Variants in TRIM49C observed in about 807,000 individuals in gnomAD.
The protein encoded by TRIM49C is tripartite motif containing 49C.
Under a neutral mutation model 21.4 loss-of-function variants are expected in TRIM49C, and 6 were observed. The observed-to-expected ratio is 0.28, with a 90% CI of 0.15 to 0.55. TRIM49C has a LOEUF of 0.55. Ranked by LOEUF, TRIM49C falls within the 20% of genes least tolerant of loss-of-function variation. TRIM49C has a pLI of 0.94. For synonymous variants in TRIM49C, 57 were observed against 148.1 expected (o/e 0.38, Z 4.47); for missense variants, 161 against 442.4 (o/e 0.36, Z 5.71).
At chr11:90,049,046 G>T in the TRIM49C span, among the ~76,000 whole-genome samples, 1 of 127,080 alleles carries the variant, frequency 7.9e-6, no homozygotes, top group Admixed American at 8.8e-5. Flanking sequence ...GACGCTGTTT[G>T]CCTGGGTATC....
intron 4 of TRIM49C, among the ~76,000 whole-genome samples, chr11:90,036,968 T>G (rs1950732186): frequency 1.5e-5 from 2 of 134,660 alleles, no homozygotes; most frequent in South Asian, 5.1e-4. Context: ...AAATTCAAAT[T>G]GAAACAAAGT....
the TRIM49C span, among the ~76,000 whole-genome samples, chr11:90,064,265 A>T: frequency 2.0e-5 from 3 of 151,194 alleles, no homozygotes; most frequent in South Asian, 6.2e-4. Flanking sequence ...TTTTTAATTT[A>T]GGAAAGTTTT....
chr11:90,050,101 G>T, the TRIM49C span: 1 of 107,356 alleles, frequency 9.3e-6, no homozygotes, highest in Non-Finnish European at 1.8e-5. Flanking sequence ...GGTGACCGAG[G>T]CCTCTCAAAA....
chr11:90,070,459 T>G, the TRIM49C span, among the ~76,000 whole-genome samples: 1 of 134,088 alleles, frequency 7.5e-6, no homozygotes, highest in Non-Finnish European at 1.6e-5. Flanking sequence ...GAAGAACTCT[T>G]GTCTGCACGA....
At chr11:90,039,162 G>A (rs1197835703) in intron 6 of TRIM49C, among the ~76,000 whole-genome samples, 1 of 132,382 alleles carries the variant, frequency 7.6e-6, no homozygotes, top group East Asian at 2.4e-4. Flanking sequence ...CCCGTGATCC[G>A]CCCGCCTCGG....
chr11:90,053,130 A>G, the TRIM49C span, among the ~76,000 whole-genome samples: 1 of 138,922 alleles, frequency 7.2e-6, no homozygotes, highest in Non-Finnish European at 1.6e-5. Context: ...GCCTATTCAA[A>G]GAAAGACTCC....
chr11:90,060,439 T>C, the TRIM49C span, among the ~76,000 whole-genome samples: 1 of 152,386 alleles, frequency 6.6e-6, no homozygotes, highest in South Asian at 2.1e-4. Context: ...AACTAAACAA[T>C]GAAAAGCTTC....
At chr11:90,056,260 C>T in the TRIM49C span, among the ~76,000 whole-genome samples, 1 of 137,540 alleles carries the variant, frequency 7.3e-6, no homozygotes, top group Non-Finnish European at 1.6e-5. Flanking sequence ...GCGCCCAGCC[C>T]ATCTGGATTC....
chr11:90,067,708 C>T, the TRIM49C span, among the ~76,000 whole-genome samples: 10 of 138,980 alleles, frequency 7.2e-5, no homozygotes, highest in East Asian at 2.2e-4. Flanking sequence ...AGTTGATTAA[C>T]GCATATTTTA....
Position 90,036,132 on chromosome 11 carries a change from A to G in TRIM49C, c.507+149A>G. 1.2e-5 allele frequency: 13 copies of G among 1,068,538 alleles called. 1 individual carries two copies. Among genetic ancestry groups the G allele is most frequent in the Non-Finnish European group, 1.6e-5 (13 of 815,964 alleles). The allele number at this position is 1,068,538 out of a possible 1,614,324, so 66.2% of individuals were successfully genotyped here. The stretch of plus-strand genomic sequence containing the variant: ...GAAAACATTGAGAAAAAGTGGCCTC[A>G]TTTTTATACAGAATAGTATGCCTGT... On this transcript the variant is annotated intron_variant, in intron 4 of 7. Coordinates refer to ENST00000448984, the MANE Select transcript of TRIM49C (RefSeq NM_001195234.1).
In TRIM49C at chr11:90,038,921, T is replaced by C. The variant is rs571589948; in HGVS notation, c.761+206T>C. 1.0e-4 allele frequency among the ~76,000 whole-genome samples: 14 copies of C among 137,138 alleles called. 2 individuals are homozygous for C. The highest frequency in any genetic ancestry group is 6.7e-4 in the Admixed American group (8 of 11,902). The allele number at this position is 137,138 out of a possible 152,430, so 90.0% of individuals were successfully genotyped here. A position where few individuals can be genotyped will look rare whatever the true frequency, so the allele number is the denominator to read the frequency against. On this transcript the variant is annotated intron_variant, in intron 6 of 7. Coordinates refer to ENST00000448984, the MANE Select transcript of TRIM49C (RefSeq NM_001195234.1). ...GAACTAAAACAAACAATTTGATTCC[T>C]GGTTTTGTTTTTTTTTGAGACGCTG... is the stretch of plus-strand genomic sequence containing the variant.
At chr11:90,049,240 A>T in the TRIM49C span, among the ~76,000 whole-genome samples, 2 of 115,746 alleles carry the variant, frequency 1.7e-5, 1 homozygote, top group Non-Finnish European at 3.5e-5. Flanking sequence ...GTCCGTTCTC[A>T]GATCTCAAAC....
chr11:90,067,158 ATAGCT>A, the TRIM49C span, among the ~76,000 whole-genome samples: 1 of 139,418 alleles, frequency 7.2e-6, no homozygotes, highest in Non-Finnish European at 1.6e-5. Context: ...TTAGCAATAT[ATAGCT>A]ATTACTTTCA....
the TRIM49C span, among the ~76,000 whole-genome samples, chr11:90,048,861 G>A: frequency 8.1e-6 from 1 of 124,108 alleles, no homozygotes; most frequent in Non-Finnish European, 1.6e-5. Flanking sequence ...AGAATTTTCA[G>A]TTTTTCTGCT....
the TRIM49C span, chr11:90,062,203 C>G: frequency 4.5e-5 from 20 of 448,268 alleles, no homozygotes; most frequent in East Asian, 8.7e-4. Context: ...GAATATGATT[C>G]TAATAATTTG....
Position 90,041,378 on chromosome 11 carries a change from C to T in TRIM49C, c.1187C>T (p.Pro396Leu). Residue 396 changes from proline (P) to leucine (L), a missense_variant, in exon 8 of 8, where the codon CCA becomes CTA. Physicochemically the swap from Pro to Leu is moderately conservative, Grantham distance 98. Around this residue, in one of 3 missense-constraint regions of TRIM49C, gnomAD observed 63 missense variants for 67.6 expected, o/e 0.93. Transcript: ENST00000448984. ...CAATGCAGTCTCTTTACCACCTCCCCACTTATGCTGCAATATATCCCAAAA... is the reference window on the plus strand; with the variant it reads ...CAATGCAGTCTCTTTACCACCTCCCTACTTATGCTGCAATATATCCCAAAA... ...DIQCSLFTTSPLMLQYIPKPT... is the reference protein window; with the variant it reads ...DIQCSLFTTSLLMLQYIPKPT... 6.3e-7 allele frequency: 1 copy of T among 1,588,104 alleles called. No individual in the cohort carries two copies. Among genetic ancestry groups the T allele is most frequent in the Non-Finnish European group, 8.6e-7 (1 of 1,164,214 alleles).
chr11:90,062,795 C>A, the TRIM49C span: 2 of 1,417,976 alleles, frequency 1.4e-6, no homozygotes, highest in Non-Finnish European at 1.9e-6. Flanking sequence ...TTTTGAGTAC[C>A]ACATTGGTGT....
At chr11:90,063,064 A>C in the TRIM49C span, 4 of 1,375,178 alleles carry the variant, frequency 2.9e-6, 1 homozygote, top group African/African-American at 3.5e-5. Context: ...CCCGATGAAA[A>C]GGAAAAAAAG....
At chr11:90,046,274 C>A (rs1324762983), downstream of TRIM49C, among the ~76,000 whole-genome samples, 4 of 125,476 alleles carry the variant, frequency 3.2e-5, 1 homozygote, top group African/African-American at 1.3e-4. Flanking sequence ...GCTTTGGTAT[C>A]AGGATGATGC....
Sources: allele counts gnomAD v4.1 joint callset (sites outside exome capture counted in the v4.1 genomes callset), GRCh38; gene constraint gnomAD v4.1.1; regional missense constraint gnomAD v4.1.1; transcripts MANE v1.5; gene names NCBI Gene and HGNC (gene_info 2026-07-23, HGNC 2026-07-21).